The following TIPRL variants were observed in gnomAD, a reference collection of about 807,000 sequenced individuals.
TIPRL encodes the protein TIP41-like protein.
Under a neutral mutation model 32.3 loss-of-function variants are expected in TIPRL, and 10 were observed. The observed-to-expected ratio is 0.31, with a 90% CI of 0.19 to 0.52. TIPRL has a LOEUF of 0.52. TIPRL is among the 20% of genes least tolerant of loss of function. The probability of loss-of-function intolerance (pLI) is 0.96; values close to 1 mark genes in which losing one functional copy is unlikely to be tolerated. For missense variants in TIPRL, 250 were observed against 328.1 expected, an observed-to-expected ratio of 0.76 and a Z score of 1.84; for synonymous variants, 100 against 114.0, an observed-to-expected ratio of 0.88 and a Z score of 0.78.
intron 6 of TIPRL, 61 bp downstream of exon 6, chr1:168,199,042 G>A: frequency 1.5e-6 from 2 of 1,350,758 alleles, no homozygotes; most frequent in Non-Finnish European, 2.1e-6. Context: ...AATTTAAGTA[G>A]CATATACCCC....
chr1:168,184,143 A>G, intron 2 of TIPRL, 62 bp downstream of exon 2: 1 of 1,461,320 alleles, frequency 6.8e-7, no homozygotes, highest in South Asian at 1.3e-5. Context: ...AAGAGAAAAG[A>G]CTTGAAAAAA....
At position 168,183,896 on chromosome 1, in the gene TIPRL, G is replaced by A. The variant is rs76481538; in HGVS notation, c.105-6G>A. ...ATTATCTCACCCGACTTTTGGTTAC[G>A]TATAGATTAGCCGATGAATTACATA... On this transcript the variant is annotated splice_polypyrimidine_tract_variant and splice_region_variant and intron_variant, in intron 1 of 6. Coordinates refer to ENST00000367833, the MANE Select transcript of TIPRL (RefSeq NM_152902.5). 7.6e-4 allele frequency: 1,219 copies of A among 1,610,944 alleles called. 10 individuals carry two copies. In the African/African-American group the frequency reaches 0.014, roughly 18 times the overall value.
chr1:168,179,256 C>A, intron 1 of TIPRL, 75 bp downstream of exon 1: 2 of 1,307,686 alleles, frequency 1.5e-6, no homozygotes, highest in East Asian at 2.4e-5. Context: ...GAACTCTGTG[C>A]AGCCCCTCCC....
intron 3 of TIPRL, among the ~76,000 whole-genome samples, chr1:168,188,802 A>C (rs1301433865): frequency 6.6e-6 from 1 of 152,118 alleles, no homozygotes; most frequent in East Asian, 1.9e-4. Context: ...AACATGGCAA[A>C]ACCCTGTATC....
chr1:168,185,594 A>C (rs1363601707), intron 3 of TIPRL, among the ~76,000 whole-genome samples: 1 of 130,918 alleles, frequency 7.6e-6, no homozygotes, highest in Non-Finnish European at 1.5e-5. Context: ...AACATGGTGA[A>C]ACCCCTTGTC....
intron 3 of TIPRL, among the ~76,000 whole-genome samples, chr1:168,185,508 C>G (rs2102307051): frequency 6.6e-6 from 1 of 152,158 alleles, no homozygotes; most frequent in South Asian, 2.1e-4. Flanking sequence ...CGCAGTGGCT[C>G]ACGCCTGTAA....
At position 168,196,618 on chromosome 1, in the gene TIPRL, GA is replaced by G. The variant is rs1700155818; in HGVS notation, c.590del (p.Asn197MetfsTer28). The G allele has an allele frequency of 6.2e-7, 1 of 1,602,804 alleles. No individual in the cohort carries two copies. The highest frequency in any genetic ancestry group is 1.3e-5 in the African/African-American group (1 of 74,394). ...LRIDGVLIRM[N>X]DTRLYHEADK... Reference sequence around the variant, plus strand: ...GAATTGATGGGGTGCTTATCAGAATGAATGACACGAGACTTTACCATGAGGT... The same window carrying G: ...GAATTGATGGGGTGCTTATCAGAATGATGACACGAGACTTTACCATGAGGT... On this transcript the variant is annotated frameshift_variant, in exon 5 of 7. Coordinates refer to ENST00000367833, the MANE Select transcript of TIPRL (RefSeq NM_152902.5). LOFTEE classifies it high-confidence loss of function.
intron 3 of TIPRL, among the ~76,000 whole-genome samples, chr1:168,186,361 T>TG (rs1476913385): frequency 1.3e-5 from 2 of 151,698 alleles, no homozygotes; most frequent in East Asian, 3.9e-4. Flanking sequence ...CCAGGCCTGG[T>TG]GGCGTGTGTC....
intron 4 of TIPRL, among the ~76,000 whole-genome samples, chr1:168,193,206 T>C (rs2102311688): frequency 6.6e-6 from 1 of 152,208 alleles, no homozygotes; most frequent in East Asian, 1.9e-4. Flanking sequence ...AAAAATTTTA[T>C]TTTTCTTATC....
intron 2 of TIPRL, 139 bp from the exon 3 acceptor site, chr1:168,184,640 C>T (rs1700005477): frequency 7.5e-6 from 5 of 667,842 alleles, no homozygotes; most frequent in Non-Finnish European, 1.3e-5. Flanking sequence ...GTAAGAAAAA[C>T]CTTGTACTGG....
In TIPRL at chr1:168,179,138, A is replaced by T; in HGVS notation, c.61A>T (p.Thr21Ser). Residue 21 changes from threonine (T) to serine (S), a missense_variant, in exon 1 of 7, where the codon ACG (threonine) becomes TCG (serine). By Grantham distance (58) the Thr-to-Ser change is moderately conservative. Coordinates refer to ENST00000367833, the MANE Select transcript of TIPRL (RefSeq NM_152902.5). ...RDFCFGPWKL[T>S]ASKTHIMKSA... is the part of the protein sequence containing the mutation. ...TTTCTGCTTCGGGCCCTGGAAGCTG[A>T]CGGCGTCCAAGACCCACATCATGAA... is the stretch of plus-strand genomic sequence containing the variant. 6.2e-7 allele frequency: 1 copy of T among 1,613,894 alleles called. No homozygotes were observed. The highest frequency in any genetic ancestry group is 8.5e-7 in the Non-Finnish European group (1 of 1,179,918).
chr1:168,190,554 C>T (rs1700084066), intron 3 of TIPRL, among the ~76,000 whole-genome samples: 1 of 152,084 alleles, frequency 6.6e-6, no homozygotes, highest in African/African-American at 2.4e-5. Context: ...AGTAAAGCTA[C>T]ATTTACTAAA....
chr1:168,184,670 A>G (rs1479498475), intron 2 of TIPRL, 109 bp from the exon 3 acceptor site: 13 of 740,028 alleles, frequency 1.8e-5, no homozygotes, highest in African/African-American at 3.6e-5. Context: ...ACAAGTGTAT[A>G]TATTTAATAG....
At chr1:168,199,011 T>G in intron 6 of TIPRL, 30 bp downstream of exon 6, 2 of 1,550,782 alleles carry the variant, frequency 1.3e-6, no homozygotes, top group Non-Finnish European at 1.8e-6. Context: ...TTTTTAGAAG[T>G]TAATTTTAAT....
At chr1:168,184,170 G>A (rs1033126875) in intron 2 of TIPRL, 89 bp downstream of exon 2, 13 of 1,162,222 alleles carry the variant, frequency 1.1e-5, no homozygotes, top group Admixed American at 7.7e-5. Flanking sequence ...GTAATGATAC[G>A]TGTGTGTTGT....
In TIPRL at chr1:168,199,920, C is replaced by A. The variant is rs900170141; in HGVS notation, c.693C>A (p.Leu231=). The A allele has an allele frequency of 1.2e-6, 2 of 1,612,928 alleles. No individual in the cohort carries two copies. Among genetic ancestry groups the A allele is most frequent in the African/African-American group, 2.7e-5 (2 of 74,988 alleles). ...ISSLMHVPPS[L]FTEPNEISQY... The stretch of plus-strand genomic sequence containing the variant: ...TTTCCTAGCATGTTCCACCTTCCCT[C>A]TTCACGGAACCTAATGAAATATCCC... The change falls in exon 7 of 7, where the codon CTC becomes CTA. Residue 231 remains leucine, a synonymous_variant. Coordinates refer to ENST00000367833, the MANE Select transcript of TIPRL (RefSeq NM_152902.5).
At chr1:168,182,782 A>C (rs1177734541) in intron 1 of TIPRL, among the ~76,000 whole-genome samples, 1 of 152,180 alleles carries the variant, frequency 6.6e-6, no homozygotes, top group African/African-American at 2.4e-5. Flanking sequence ...GAATCCACAG[A>C]CTCACATATT....
At chr1:168,185,210 G>A (rs1410310903) in intron 3 of TIPRL, among the ~76,000 whole-genome samples, 2 of 152,198 alleles carry the variant, frequency 1.3e-5, no homozygotes, top group Non-Finnish European at 2.9e-5. Context: ...CTGCTAGCTT[G>A]TAGCTCACAA....
At chr1:168,192,026 T>C (rs574674107) in intron 4 of TIPRL, among the ~76,000 whole-genome samples, 1 of 152,214 alleles carries the variant, frequency 6.6e-6, no homozygotes, top group Non-Finnish European at 1.5e-5. Context: ...TAGACCTGCC[T>C]GGCCACCTTG....
Sources: gnomAD v4.1 joint callset for allele counts (sites outside exome capture counted in the v4.1 genomes callset) on GRCh38, gnomAD v4.1.1 for gene constraint, MANE v1.5 for transcripts, NCBI Gene and HGNC (gene_info 2026-07-23, HGNC 2026-07-21) for gene names.